Variants in COL13A1 observed in about 807,000 individuals in gnomAD.
COL13A1 encodes collagen alpha-1(XIII) chain.
COL13A1 carries 89 observed loss-of-function variants against 130.9 expected under a neutral mutation model. That is an observed-to-expected ratio of 0.68 (90% CI 0.57 to 0.81). COL13A1 has a LOEUF of 0.81. COL13A1 is among the 30% of genes least tolerant of loss of function. The probability of loss-of-function intolerance (pLI) is 0.00; values close to 1 mark genes in which losing one functional copy is unlikely to be tolerated. For missense variants in COL13A1, 879 were observed against 934.6 expected, an observed-to-expected ratio of 0.94 and a Z score of 0.78; for synonymous variants, 402 against 341.6, an observed-to-expected ratio of 1.18 and a Z score of -1.95.
chr10:69,802,694 C>G lies in COL13A1; in HGVS notation c.271C>G (p.Arg91Gly), dbSNP rs769426298. ...GCAAATGGAGACGGCTATTTTGGGA[C>G]GAGTCAATCAACTGCTGGACGAGGT... ...EQQMETAILGRVNQLLDEKWK... is the reference protein window; with the variant it reads ...EQQMETAILGGVNQLLDEKWK... The change falls in exon 1 of 41, where the codon CGA (arginine) becomes GGA (glycine). Residue 91 changes from arginine to glycine, a missense_variant. Arg to Gly is a moderately radical substitution (Grantham distance 125). Coordinates refer to ENST00000645393, the MANE Select transcript of COL13A1 (RefSeq NM_001368882.1). The G allele has an allele frequency of 2.5e-6, 4 of 1,612,632 alleles. No individual in the cohort carries two copies. The highest frequency in any genetic ancestry group is 2.5e-6 in the Non-Finnish European group (3 of 1,179,290).
chr10:69,880,646 G>A (rs927954770), intron 7 of COL13A1, 93 bp downstream of exon 7: 24 of 1,362,932 alleles, frequency 1.8e-5, no homozygotes, highest in South Asian at 2.4e-5. Context: ...CAGCGAGGGC[G>A]GCTGTGCCCC....
chr10:69,866,842 T>A (rs1179157878), intron 2 of COL13A1, among the ~76,000 whole-genome samples: 3 of 152,058 alleles, frequency 2.0e-5, no homozygotes, highest in African/African-American at 7.2e-5. Context: ...CATAGGAGCC[T>A]TTATTGGCCG....
At chr10:69,952,848 A>G in intron 38 of COL13A1, 34 bp from the exon 39 acceptor site, 1 of 1,410,918 alleles carries the variant, frequency 7.1e-7, no homozygotes. Context: ...TAAAGTTTTG[A>G]TGTTTTTTTC....
At position 69,902,799 on chromosome 10, in the gene COL13A1, C is replaced by G. The variant is rs1204554820; in HGVS notation, c.802C>G (p.Pro268Ala). The G allele has an allele frequency of 5.8e-6, 9 of 1,553,672 alleles. No individual in the cohort carries two copies. Among genetic ancestry groups the G allele is most frequent in the East Asian group, 2.4e-5 (1 of 41,082 alleles). The change falls in exon 15 of 41, where the codon CCT (proline) becomes GCT (alanine). Residue 268 changes from proline to alanine, a missense_variant. Physicochemically the swap from Pro to Ala is conservative, Grantham distance 27. Coordinates refer to ENST00000645393, the MANE Select transcript of COL13A1 (RefSeq NM_001368882.1). The stretch of plus-strand genomic sequence containing the variant: ...AGGTCCACCAGGGCCCCCAGGCCCC[C>G]CTGGACCAAGTGGACCTCTGGGGCA... Reference protein sequence around the residue: ...IQGPPGPPGPPGPSGPLGHPG... With the variant: ...IQGPPGPPGPAGPSGPLGHPG...
intron 35 of COL13A1, among the ~76,000 whole-genome samples, chr10:69,941,835 C>T (rs1334763750): frequency 6.6e-6 from 1 of 152,212 alleles, no homozygotes; most frequent in African/African-American, 2.4e-5. Context: ...TCAACCTTCC[C>T]AGGGTATTGA....
chr10:69,905,024 G>A, intron 16 of COL13A1, 65 bp downstream of exon 16: 2 of 1,524,712 alleles, frequency 1.3e-6, no homozygotes, highest in Non-Finnish European at 1.8e-6. Flanking sequence ...GGAGGGGGAG[G>A]CAGCACAGAA....
chr10:69,830,577 A>G (rs1401296769), intron 2 of COL13A1, among the ~76,000 whole-genome samples: 2 of 149,734 alleles, frequency 1.3e-5, no homozygotes, highest in Non-Finnish European at 3.0e-5. Flanking sequence ...CATAGATAGT[A>G]AACACGTAAA....
intron 27 of COL13A1, among the ~76,000 whole-genome samples, chr10:69,928,667 C>T (rs180930251): frequency 2.4e-4 from 36 of 152,262 alleles, no homozygotes; most frequent in East Asian, 1.4e-3. Flanking sequence ...GCCCAAAGGG[C>T]GACCAGAGAT....
intron 21 of COL13A1, 55 bp downstream of exon 21, chr10:69,919,782 C>G: frequency 2.5e-6 from 1 of 398,700 alleles, no homozygotes; most frequent in Non-Finnish European, 4.4e-6. Context: ...CACCATTCCC[C>G]TACTCTCTGG....
chr10:69,919,134 A>T, intron 20 of COL13A1, 46 bp downstream of exon 20: 1 of 1,612,780 alleles, frequency 6.2e-7, no homozygotes, highest in Non-Finnish European at 8.5e-7. Context: ...AGCATCGGTC[A>T]TGGGCAGAGG....
At chr10:69,943,574 C>T (rs982696520) in intron 35 of COL13A1, among the ~76,000 whole-genome samples, 8 of 152,194 alleles carry the variant, frequency 5.3e-5, no homozygotes, top group African/African-American at 1.9e-4. Context: ...CCCCCCGATC[C>T]AGCCAGTTCC....
In COL13A1 at chr10:69,802,410, C is replaced by T. The variant is rs781713892; in HGVS notation, c.-14C>T. ...TTCTATTTATTTATTTATTGGTTCT[C>T]AAGACGCGAGAGGATGGTAGCGGAG... is the stretch of plus-strand genomic sequence containing the variant. On this transcript the variant is annotated 5_prime_UTR_variant, in exon 1 of 41. Transcript: ENST00000645393. The T allele has an allele frequency of 3.1e-5, 46 of 1,480,318 alleles. No individual in the cohort carries two copies. Among genetic ancestry groups the T allele is most frequent in the Non-Finnish European group, 4.1e-5 (46 of 1,122,926 alleles). 91.7% of individuals were successfully genotyped at this position (1,480,318 alleles called of 1,614,324 possible).
intron 2 of COL13A1, among the ~76,000 whole-genome samples, chr10:69,835,894 A>G (rs1465689044): frequency 6.6e-6 from 1 of 152,226 alleles, no homozygotes; most frequent in Non-Finnish European, 1.5e-5. Context: ...ACTTTATTGC[A>G]TTGTCTCATT....
intron 32 of COL13A1, 135 bp from the exon 33 acceptor site, chr10:69,936,621 T>C (rs2135985781): frequency 1.1e-6 from 1 of 918,362 alleles, no homozygotes; most frequent in South Asian, 1.7e-5. Context: ...CATTTCTTTC[T>C]ACCTCTCATG....
At chr10:69,860,685 C>A (rs1383730865) in intron 2 of COL13A1, 1 of 263,264 alleles carries the variant, frequency 3.8e-6, no homozygotes, top group Non-Finnish European at 7.7e-6. Context: ...GCAGAACCTG[C>A]AGCCAGGTCC....
Position 69,924,966 on chromosome 10 carries a change from G to C in COL13A1, c.1288G>C (p.Glu430Gln), listed in dbSNP as rs2065159456. 3 of 1,590,536 alleles carry C rather than the reference G, an allele frequency of 1.9e-6. No individual in the cohort carries two copies. The highest frequency in any genetic ancestry group is 2.6e-6 in the Non-Finnish European group (3 of 1,169,014). Residue 430 changes from glutamate (E) to glutamine (Q), a missense_variant, in exon 25 of 41, where the codon GAG (glutamate) becomes CAG (glutamine). Around this residue, in one of 3 missense-constraint regions of COL13A1, gnomAD observed 715 missense variants for 721.0 expected, o/e 0.99. Coordinates refer to ENST00000645393, the MANE Select transcript of COL13A1 (RefSeq NM_001368882.1). Reference sequence around the variant, plus strand: ...CTCCAATTTTGTCATGCAACAGGGGGAGCGTGGAGCAGCTGGAGAACAGGG... The same window carrying C: ...CTCCAATTTTGTCATGCAACAGGGGCAGCGTGGAGCAGCTGGAGAACAGGG... ...GPPGQPGDKG[E>Q]RGAAGEQGPD...
At chr10:69,866,947 G>A (rs2058580921) in intron 2 of COL13A1, among the ~76,000 whole-genome samples, 1 of 152,222 alleles carries the variant, frequency 6.6e-6, no homozygotes, top group Non-Finnish European at 1.5e-5. Context: ...GAATCACCGG[G>A]AGGGTGGGGT....
At chr10:69,844,821 C>A (rs1852563052) in intron 2 of COL13A1, among the ~76,000 whole-genome samples, 1 of 152,226 alleles carries the variant, frequency 6.6e-6, no homozygotes, top group Admixed American at 6.5e-5. Flanking sequence ...GAGGGTGGTG[C>A]CCCAGACTGT....
intron 29 of COL13A1, 93 bp from the exon 30 acceptor site, chr10:69,930,307 A>C: frequency 1.6e-6 from 2 of 1,264,942 alleles, no homozygotes; most frequent in Non-Finnish European, 2.2e-6. Flanking sequence ...CAAGCACCAA[A>C]GAGCCAAGGC....
Sources: allele counts gnomAD v4.1 joint callset (sites outside exome capture counted in the v4.1 genomes callset), GRCh38; gene constraint gnomAD v4.1.1; regional missense constraint gnomAD v4.1.1; transcripts MANE v1.5; gene names NCBI Gene and HGNC (gene_info 2026-07-23, HGNC 2026-07-21).